Variants in ARIH2 observed in about 807,000 individuals in gnomAD.
ARIH2 encodes ariadne RBR E3 ubiquitin protein ligase 2, also known as E3 ubiquitin-protein ligase ARIH2.
In ARIH2, 12 loss-of-function variants were observed where a neutral mutation model predicts 79.8. That is an observed-to-expected ratio of 0.15 (90% CI 0.10 to 0.24). The LOEUF is 0.24. Among genes scored for constraint, ARIH2 ranks in the 10% least tolerant of loss-of-function variants. ARIH2 has a pLI of 1.00. For synonymous variants in ARIH2, 224 were observed against 213.9 expected, an observed-to-expected ratio of 1.05 and a Z score of -0.41; for missense variants, 301 against 618.3, an observed-to-expected ratio of 0.49 and a Z score of 5.44.
rs185800594 is a variant in ARIH2 at position 48,925,573 on chromosome 3, T to G, written c.-97-1889T>G. On this transcript the variant is annotated intron_variant, in intron 2 of 15. Transcript: ENST00000356401. ...CACACCCTCAGTCTTTGTTTTAGAT[T>G]ATGGTTGGTTGTTTTTTTTCAGACA... Among the ~76,000 whole-genome samples, 65 of 152,152 alleles carry G rather than the reference T, an allele frequency of 4.3e-4. 1 individual carries two copies. The highest frequency in any genetic ancestry group is 6.8e-3 in the Middle Eastern group (2 of 294).
intron 3 of ARIH2, among the ~76,000 whole-genome samples, chr3:48,956,864 G>A (rs893033438): frequency 4.0e-5 from 6 of 151,630 alleles, no homozygotes; most frequent in South Asian, 4.2e-4. Flanking sequence ...CCGCCACTAC[G>A]CCCAGCTAAT....
intron 3 of ARIH2, among the ~76,000 whole-genome samples, chr3:48,943,842 T>G (rs984207645): frequency 6.6e-6 from 1 of 152,218 alleles, no homozygotes; most frequent in Non-Finnish European, 1.5e-5. Context: ...ACTACCTAGC[T>G]GGTTATTTGG....
At chr3:48,969,341 A>G (rs2092025016) in intron 7 of ARIH2, among the ~76,000 whole-genome samples, 1 of 152,074 alleles carries the variant, frequency 6.6e-6, no homozygotes. Context: ...TGTGTGGTTG[A>G]GCAGAGAGAA....
At chr3:48,974,918 G>T (rs376318778) in intron 10 of ARIH2, 40 bp from the exon 11 acceptor site, 59 of 1,613,952 alleles carry the variant, frequency 3.7e-5, no homozygotes, top group Non-Finnish European at 4.7e-5. Context: ...GCTTTGGTCA[G>T]TGTGCCCTTA....
intron 3 of ARIH2, among the ~76,000 whole-genome samples, chr3:48,942,311 G>C (rs550297520): frequency 1.3e-5 from 2 of 152,092 alleles, no homozygotes; most frequent in African/African-American, 4.8e-5. Flanking sequence ...TCAGCCTCCT[G>C]AAGTGTTGGG....
intron 11 of ARIH2, among the ~76,000 whole-genome samples, chr3:48,976,500 C>T (rs528388515): frequency 3.3e-5 from 5 of 152,080 alleles, no homozygotes; most frequent in African/African-American, 7.2e-5. Flanking sequence ...TGTGAGCCAC[C>T]GCTCCCGGCC....
intron 11 of ARIH2, 181 bp downstream of exon 11, chr3:48,975,160 T>C: frequency 1.0e-6 from 1 of 982,294 alleles, no homozygotes; most frequent in Non-Finnish European, 1.5e-6. Context: ...TTTTGGTCCC[T>C]CTTATAATCC....
chr3:48,967,831 T>G (rs1196223977), intron 6 of ARIH2, among the ~76,000 whole-genome samples: 1 of 152,210 alleles, frequency 6.6e-6, no homozygotes, highest in Non-Finnish European at 1.5e-5. Context: ...TATTTAATGG[T>G]GCCGTTAGTG....
At chr3:48,942,180 AGCTGGGATTAGAGGT>A (rs1181698055) in intron 3 of ARIH2, among the ~76,000 whole-genome samples, 24 of 151,666 alleles carry the variant, frequency 1.6e-4, no homozygotes, top group Admixed American at 1.4e-3. Context: ...CCTCCTAAAT[AGCTGGGATTAGAGGT>A]GCCCGCCACC....
chr3:48,955,964 G>A (rs1462317073), intron 3 of ARIH2, among the ~76,000 whole-genome samples: 4 of 152,040 alleles, frequency 2.6e-5, no homozygotes, highest in Admixed American at 6.5e-5. Context: ...AGGACTCTGG[G>A]GAATCTGGCT....
intron 2 of ARIH2, chr3:48,926,766 T>G (rs1317458020): frequency 6.6e-6 from 1 of 152,182 alleles, no homozygotes; most frequent in Non-Finnish European, 1.5e-5. Context: ...GCCAGTCTGG[T>G]CTTGAACTCC....
intron 8 of ARIH2, among the ~76,000 whole-genome samples, chr3:48,972,989 A>G (rs2092319990): frequency 6.6e-6 from 1 of 152,196 alleles, no homozygotes; most frequent in African/African-American, 2.4e-5. Flanking sequence ...TGCTAGGATT[A>G]CAAGCATGAA....
chr3:48,948,687 C>G (rs2089551138), intron 3 of ARIH2, among the ~76,000 whole-genome samples: 1 of 152,200 alleles, frequency 6.6e-6, no homozygotes, highest in Non-Finnish European at 1.5e-5. Flanking sequence ...CATTTCATCA[C>G]CTAAAAAATT....
At chr3:48,961,558 C>A in intron 3 of ARIH2, 54 bp from the exon 4 acceptor site, 1 of 1,164,942 alleles carries the variant, frequency 8.6e-7, no homozygotes, top group East Asian at 2.4e-5. Flanking sequence ...AAATGCGAAA[C>A]ACTTTAAAAG....
intron 3 of ARIH2, chr3:48,934,704 G>A (rs146355462): frequency 1.0e-6 from 1 of 985,282 alleles, no homozygotes; most frequent in Non-Finnish European, 1.2e-6. Context: ...TTTAAAAGGC[G>A]ATGAGAAATG....
At chr3:48,928,760 A>G (rs2085976252) in intron 3 of ARIH2, among the ~76,000 whole-genome samples, 1 of 152,114 alleles carries the variant, frequency 6.6e-6, no homozygotes, top group African/African-American at 2.4e-5. Flanking sequence ...ATGGTTGGCA[A>G]AGGCTAATAC....
At chr3:48,960,679 G>A (rs753647369) in intron 3 of ARIH2, among the ~76,000 whole-genome samples, 4 of 151,356 alleles carry the variant, frequency 2.6e-5, no homozygotes, top group Non-Finnish European at 2.9e-5. Flanking sequence ...CAGGAGAATC[G>A]CTTGAGCCTG....
chr3:48,944,386 T>C (rs1314542857), intron 3 of ARIH2, among the ~76,000 whole-genome samples: 1 of 152,198 alleles, frequency 6.6e-6, no homozygotes, highest in Non-Finnish European at 1.5e-5. Context: ...GGTCTTTGGT[T>C]TTTTTGGTAT....
rs758271050 is a variant in ARIH2 at position 48,918,862 on chromosome 3, T to G, written c.-298T>G. On this transcript the variant is annotated 5_prime_UTR_variant, in exon 1 of 16. Coordinates refer to ENST00000356401, the MANE Select transcript of ARIH2 (RefSeq NM_006321.4). ...CTTCCGGAGCTGTGGGGACGACTCT[T>G]CTGGAGGAAGCAGCGCGGGCTTGAC... 6.2e-7 allele frequency: 1 copy of G among 1,610,480 alleles called. No individual in the cohort carries two copies.
Sources: gnomAD v4.1 joint callset for allele counts (sites outside exome capture counted in the v4.1 genomes callset) on GRCh38, gnomAD v4.1.1 for gene constraint, MANE v1.5 for transcripts, NCBI Gene and HGNC (gene_info 2026-07-23, HGNC 2026-07-21) for gene names.